MAP7D2: variants seen among roughly 807,000 people sequenced by gnomAD.
MAP7D2 encodes the protein MAP7 domain containing 2.
In MAP7D2, 33 loss-of-function variants were observed where a neutral mutation model predicts 63.5. The ratio of observed to expected loss-of-function variants is 0.52; its 90% confidence interval spans 0.39 to 0.70. The LOEUF is 0.70. Among genes scored for constraint, MAP7D2 ranks in the 30% least tolerant of loss-of-function variants. The pLI is 0.00. For missense variants in MAP7D2, 626 were observed against 604.0 expected (o/e 1.04, Z -0.38); for synonymous variants, 224 against 223.7 (o/e 1.00, Z -0.01).
At chrX:20,055,737 T>C (rs763152370) in intron 4 of MAP7D2, 1 of 988,883 alleles carries the variant, frequency 1.0e-6, no homozygotes, top group Admixed American at 2.6e-5. Flanking sequence ...GATATACCGT[T>C]GGTGGACTCG....
At chrX:20,046,454 TG>T (rs2064801276) in intron 6 of MAP7D2, among the ~76,000 whole-genome samples, 1 of 112,911 alleles carries the variant, frequency 8.9e-6, no homozygotes, top group Non-Finnish European at 1.9e-5. Context: ...CCATTCCCTC[TG>T]GGGAAAGTGT....
At position 20,116,881 on chromosome X, in the gene MAP7D2, G is replaced by T. The variant is rs143908335; in HGVS notation, c.-2C>A. 2.7e-6 allele frequency: 3 copies of T among 1,114,007 alleles called. No individual in the cohort carries two copies. The Admixed American group carries it at 9.4e-5, about 35-fold the overall frequency. 91.8% of individuals were successfully genotyped at this position (1,114,007 alleles called of 1,213,427 possible). ...GGAGCCGCCGCCGCCGCGCTCCATCGGGATGCGCCGGCCGCACAGGCGCAC... is the reference window on the plus strand; with the variant it reads ...GGAGCCGCCGCCGCCGCGCTCCATCTGGATGCGCCGGCCGCACAGGCGCAC... On this transcript the variant is annotated 5_prime_UTR_variant, in exon 1 of 17. Transcript: ENST00000379643.
intron 1 of MAP7D2, among the ~76,000 whole-genome samples, chrX:20,085,117 T>C (rs1490569341): frequency 8.9e-6 from 1 of 111,790 alleles, no homozygotes; most frequent in Non-Finnish European, 1.9e-5. Context: ...ATATGACCTA[T>C]ACAGGCCCTA....
At chrX:20,026,333 G>A (rs774663059) in intron 8 of MAP7D2, among the ~76,000 whole-genome samples, 4 of 111,364 alleles carry the variant, frequency 3.6e-5, no homozygotes, top group African/African-American at 1.3e-4. Context: ...TAAAAAAATT[G>A]TGACAAAACA....
At chrX:20,039,108 C>G (rs369028316) in intron 8 of MAP7D2, among the ~76,000 whole-genome samples, 8 of 112,443 alleles carry the variant, frequency 7.1e-5, no homozygotes, top group East Asian at 5.5e-4. Context: ...GTCATCAGTA[C>G]CAGCTACGAT....
chrX:20,034,029 G>A (rs1280812699), intron 8 of MAP7D2, among the ~76,000 whole-genome samples: 1 of 108,444 alleles, frequency 9.2e-6, no homozygotes, highest in Non-Finnish European at 1.9e-5. Flanking sequence ...GTTCAAAACC[G>A]GCCTGGCCAA....
At chrX:20,013,367 G>A (rs938623928) in intron 13 of MAP7D2, among the ~76,000 whole-genome samples, 1 of 111,093 alleles carries the variant, frequency 9.0e-6, no homozygotes. Context: ...ATGACTCTAA[G>A]GAAATCTCTT....
Position 20,042,636 on chromosome X carries a change from G to A in MAP7D2, c.880-7C>T. On this transcript the variant is annotated splice_region_variant and splice_polypyrimidine_tract_variant and intron_variant, in intron 7 of 16. Transcript: ENST00000379643. Reference sequence around the variant, plus strand: ...CCCGCTTCACCTTCTCCACCTGTAGGGGACACAGGATAGCCACAGTCCATG... The same window carrying A: ...CCCGCTTCACCTTCTCCACCTGTAGAGGACACAGGATAGCCACAGTCCATG... 4 of 1,210,835 alleles carry A rather than the reference G, an allele frequency of 3.3e-6. No homozygotes were observed. Among genetic ancestry groups the A allele is most frequent in the Non-Finnish European group, 4.5e-6 (4 of 895,082 alleles).
chrX:20,019,272 G>A (rs779360638), intron 10 of MAP7D2, among the ~76,000 whole-genome samples: 4 of 110,532 alleles, frequency 3.6e-5, no homozygotes, highest in Non-Finnish European at 5.7e-5. Context: ...CAAGTGATCC[G>A]CCCACCCCAT....
intron 1 of MAP7D2, among the ~76,000 whole-genome samples, chrX:20,111,359 G>A (rs928772006): frequency 6.2e-5 from 7 of 112,183 alleles, no homozygotes; most frequent in Non-Finnish European, 1.1e-4. Context: ...GGTTCTGAGC[G>A]CTTTGCAGGC....
At chrX:20,088,926 C>T (rs1032613162) in intron 1 of MAP7D2, among the ~76,000 whole-genome samples, 4 of 109,782 alleles carry the variant, frequency 3.6e-5, no homozygotes, top group Middle Eastern at 9.3e-3. Flanking sequence ...CTCCACCTCT[C>T]GGGTTCAAGC....
chrX:20,054,709 G>A (rs773457197), intron 4 of MAP7D2, among the ~76,000 whole-genome samples: 12 of 111,404 alleles, frequency 1.1e-4, no homozygotes, highest in Non-Finnish European at 2.3e-4. Flanking sequence ...AGCCTCCTGA[G>A]TAGCTGGGGC....
intron 1 of MAP7D2, among the ~76,000 whole-genome samples, chrX:20,083,677 G>A (rs747173497): frequency 8.9e-6 from 1 of 111,922 alleles, no homozygotes; most frequent in African/African-American, 3.2e-5. Context: ...ATAGCTGACC[G>A]AAAACTAGTG....
intron 1 of MAP7D2, among the ~76,000 whole-genome samples, chrX:20,088,493 TTTTTTTTTTTTTG>T: frequency 1.9e-5 from 1 of 51,430 alleles, no homozygotes; most frequent in Non-Finnish European, 3.2e-5. Context: ...TTTTTTTTTT[TTTTTTTTTTTTTG>T]CAGAGACAGG....
chrX:20,074,650 T>C (rs773405398), intron 1 of MAP7D2, among the ~76,000 whole-genome samples: 1 of 112,084 alleles, frequency 8.9e-6, no homozygotes, highest in South Asian at 3.7e-4. Context: ...CAATGGACTT[T>C]TGATGAAAAC....
intron 1 of MAP7D2, among the ~76,000 whole-genome samples, chrX:20,088,295 CT>C (rs10713735): frequency 0.3 from 25,371 of 85,995 alleles, 4,440 homozygotes; most frequent in African/African-American, 0.62. Context: ...CAATAGTTTT[CT>C]TTTTTTTTTT....
chrX:20,070,556 C>A (rs1265682640), intron 1 of MAP7D2, among the ~76,000 whole-genome samples: 1 of 111,139 alleles, frequency 9.0e-6, no homozygotes, highest in Non-Finnish European at 1.9e-5. Context: ...TCAGAGATGC[C>A]CTACCCAGGA....
chrX:20,038,846 T>C (rs2064569138), intron 8 of MAP7D2, among the ~76,000 whole-genome samples: 1 of 112,027 alleles, frequency 8.9e-6, no homozygotes, highest in African/African-American at 3.2e-5. Context: ...GAAATCAGTT[T>C]ACTACTCCAC....
chrX:20,039,829 T>G (rs767684382), intron 8 of MAP7D2, among the ~76,000 whole-genome samples: 1 of 109,368 alleles, frequency 9.1e-6, no homozygotes, highest in Admixed American at 9.8e-5. Flanking sequence ...TGAAACCCCG[T>G]CTCTACTAAA....
Sources: gnomAD v4.1 joint callset for allele counts (sites outside exome capture counted in the v4.1 genomes callset) on GRCh38, gnomAD v4.1.1 for gene constraint, MANE v1.5 for transcripts, NCBI Gene and HGNC (gene_info 2026-07-23, HGNC 2026-07-21) for gene names.